Variants in CREBRF observed in about 807,000 individuals in gnomAD.
The protein encoded by CREBRF is CREB3 regulatory factor.
A neutral mutation model predicts 66.1 loss-of-function variants in CREBRF; 5 were observed. That is an observed-to-expected ratio of 0.08 (90% CI 0.04 to 0.16). The LOEUF (loss-of-function observed/expected upper bound fraction) is 0.16. Ranked by LOEUF, CREBRF falls within the 10% of genes least tolerant of loss-of-function variation. The pLI is 1.00. For synonymous variants in CREBRF, 229 were observed against 264.4 expected, an observed-to-expected ratio of 0.87 and a Z score of 1.30; for missense variants, 531 against 744.9, an observed-to-expected ratio of 0.71 and a Z score of 3.34.
chr5:173,116,928 T>C (rs990601879), intron 7 of CREBRF, among the ~76,000 whole-genome samples: 2 of 152,160 alleles, frequency 1.3e-5, no homozygotes, highest in Non-Finnish European at 2.9e-5. Flanking sequence ...ATCTAATGGG[T>C]GTGTGATGGT....
chr5:173,090,671 A>T lies in CREBRF; in HGVS notation c.492A>T (p.Lys164Asn). 6.2e-7 allele frequency: 1 copy of T among 1,614,180 alleles called. No individual in the cohort carries two copies. Among genetic ancestry groups the T allele is most frequent in the Non-Finnish European group, 8.5e-7 (1 of 1,180,028 alleles). ...LYYPDSLFSV[K>N]QNPLPSSFPG... is the part of the protein sequence containing the mutation. ...ACCCCGATTCACTTTTCAGTGTCAA[A>T]CAAAATCCCTTACCCTCTTCATTCC... Residue 164 changes from lysine to asparagine, a missense_variant, in exon 4 of 9, where the codon AAA becomes AAT. Lys to Asn is a moderately conservative substitution (Grantham distance 94). Coordinates refer to ENST00000296953, the MANE Select transcript of CREBRF (RefSeq NM_153607.3). This position sits in a 1 kb window ranked among gnomAD's most constrained non-coding sequence, Gnocchi z 4.5.
intron 8 of CREBRF, among the ~76,000 whole-genome samples, chr5:173,128,150 C>A (rs1759315473): frequency 6.6e-6 from 1 of 152,114 alleles, no homozygotes; most frequent in African/African-American, 2.4e-5. Context: ...GATTAAAATT[C>A]TGACATAAGT....
Position 173,090,845 on chromosome 5 carries a change from T to A in CREBRF, c.666T>A (p.Asn222Lys). 1 of 1,614,166 alleles carries A rather than the reference T, an allele frequency of 6.2e-7. No homozygotes were observed. The highest frequency in any genetic ancestry group is 8.5e-7 in the Non-Finnish European group (1 of 1,180,034). ...TGGTGAAGACCAACATGTATCATAA[T>A]GAAAAGGTGAACTTTCATGTTGAAT... ...QIMVKTNMYH[N>K]EKVNFHVECK... The change falls in exon 4 of 9, where the codon AAT becomes AAA. Residue 222 changes from asparagine to lysine, a missense_variant. Asn to Lys is a moderately conservative substitution (Grantham distance 94). Coordinates refer to ENST00000296953, the MANE Select transcript of CREBRF (RefSeq NM_153607.3). The surrounding 1 kb of genome is among the most constrained non-coding windows in gnomAD (Gnocchi z 4.5).
intron 4 of CREBRF, 149 bp from the exon 5 acceptor site, chr5:173,108,475 A>C: frequency 1.4e-5 from 9 of 654,048 alleles, no homozygotes; most frequent in Non-Finnish European, 1.8e-5. Flanking sequence ...AAGTTCTCTT[A>C]TAGACCTGGT....
chr5:173,080,435 G>T, intron 1 of CREBRF, 150 bp from the exon 2 acceptor site: 1 of 256,550 alleles, frequency 3.9e-6, no homozygotes, highest in Non-Finnish European at 7.4e-6. Context: ...ATTAAGATAT[G>T]ACCAAATCCT....
intron 7 of CREBRF, among the ~76,000 whole-genome samples, chr5:173,116,025 A>T (rs1233309802): frequency 3.3e-5 from 5 of 152,206 alleles, no homozygotes; most frequent in African/African-American, 1.2e-4. Flanking sequence ...TACACCAGGC[A>T]TTGTGGCATG....
At chr5:173,106,877 G>A (rs1483536592) in intron 4 of CREBRF, among the ~76,000 whole-genome samples, 4 of 152,088 alleles carry the variant, frequency 2.6e-5, no homozygotes, top group Non-Finnish European at 5.9e-5. Flanking sequence ...AGCTTCCTGA[G>A]TAGCGGGGAT....
chr5:173,081,558 C>T (rs1757942671), intron 2 of CREBRF, among the ~76,000 whole-genome samples: 1 of 152,062 alleles, frequency 6.6e-6, no homozygotes, highest in African/African-American at 2.4e-5. Context: ...CAACAATTTG[C>T]TGGGATTGTC....
intron 4 of CREBRF, among the ~76,000 whole-genome samples, chr5:173,096,170 T>C (rs1244014816): frequency 2.0e-5 from 3 of 152,018 alleles, no homozygotes; most frequent in Non-Finnish European, 4.4e-5. Context: ...GGGGTTTCAC[T>C]GTGTTAGCCA....
intron 4 of CREBRF, among the ~76,000 whole-genome samples, chr5:173,092,610 CAAAG>C (rs1758377470): frequency 6.6e-6 from 1 of 151,936 alleles, no homozygotes; most frequent in South Asian, 2.1e-4. Context: ...AAAAAACTAT[CAAAG>C]AGAGCCCTTT....
At chr5:173,069,757 C>A (rs565774591) in intron 1 of CREBRF, among the ~76,000 whole-genome samples, 23 of 152,224 alleles carry the variant, frequency 1.5e-4, no homozygotes, top group South Asian at 6.3e-4. Context: ...GACTGCAAAA[C>A]CATGTTCAAA....
chr5:173,115,907 G>A (rs951558291), intron 7 of CREBRF, among the ~76,000 whole-genome samples: 3 of 152,204 alleles, frequency 2.0e-5, no homozygotes, highest in African/African-American at 7.2e-5. Context: ...ACCGCGCCCG[G>A]CCCCTGAATG....
intron 8 of CREBRF, among the ~76,000 whole-genome samples, chr5:173,131,392 A>G (rs1351019656): frequency 6.6e-6 from 1 of 151,956 alleles, no homozygotes. Context: ...CCATTATAGC[A>G]TTTTTTTGTG....
chr5:173,065,422 C>T (rs1757404603), intron 1 of CREBRF, among the ~76,000 whole-genome samples: 1 of 152,168 alleles, frequency 6.6e-6, no homozygotes, highest in Non-Finnish European at 1.5e-5. Flanking sequence ...CTGTTCTATG[C>T]TGTCAGGTCT....
intron 1 of CREBRF, among the ~76,000 whole-genome samples, chr5:173,074,785 G>A (rs1757711524): frequency 6.6e-6 from 1 of 152,002 alleles, no homozygotes; most frequent in Admixed American, 6.6e-5. Context: ...ACCACGCCTG[G>A]CTAATTTTTG....
intron 1 of CREBRF, among the ~76,000 whole-genome samples, chr5:173,075,945 G>A (rs1317748484): frequency 6.6e-6 from 1 of 151,820 alleles, no homozygotes; most frequent in Non-Finnish European, 1.5e-5. Context: ...TTATCGCTGG[G>A]CGTGGTGGCT....
At chr5:173,127,386 G>A (rs1581050477) in intron 8 of CREBRF, among the ~76,000 whole-genome samples, 1 of 150,966 alleles carries the variant, frequency 6.6e-6, no homozygotes, top group East Asian at 1.9e-4. Context: ...CTGACCTCAA[G>A]TGATCTTCCC....
chr5:173,056,479 G>A lies in CREBRF; in HGVS notation c.-192G>A, dbSNP rs1414119612. Reference sequence around the variant, plus strand: ...TCCCTGAGCCGCCCCTACACCCACAGGTGAGCGCCGCCACCCGCTGCTCGG... The same window carrying A: ...TCCCTGAGCCGCCCCTACACCCACAAGTGAGCGCCGCCACCCGCTGCTCGG... On this transcript the variant is annotated splice_region_variant and 5_prime_UTR_variant, in exon 1 of 9. Transcript: ENST00000296953. The A allele has an allele frequency of 1.3e-5, 5 of 398,302 alleles. No homozygotes were observed. The East Asian group carries it at 1.8e-4, about 14-fold the overall frequency. The allele number at this position is 398,302 out of a possible 1,614,324, so 24.7% of individuals were successfully genotyped here.
intron 4 of CREBRF, among the ~76,000 whole-genome samples, chr5:173,102,477 A>G (rs935334632): frequency 1.3e-5 from 2 of 152,010 alleles, no homozygotes; most frequent in East Asian, 3.9e-4. Context: ...CTATTGCTGG[A>G]GTCAGCAGCC....
Sources: gnomAD v4.1 joint callset for allele counts (sites outside exome capture counted in the v4.1 genomes callset) on GRCh38, gnomAD v4.1.1 for gene constraint, Gnocchi (gnomAD v3.1) non-coding constraint, MANE v1.5 for transcripts, NCBI Gene and HGNC (gene_info 2026-07-23, HGNC 2026-07-21) for gene names.